Variants in SPOP observed in about 807,000 individuals in gnomAD.
The protein encoded by SPOP is speckle-type POZ protein.
SPOP carries 11 observed loss-of-function variants against 45.6 expected under a neutral mutation model. The observed-to-expected ratio is 0.24, with a 90% CI of 0.15 to 0.40. The LOEUF (loss-of-function observed/expected upper bound fraction) is 0.40, where lower values mean the gene tolerates loss of function less well. SPOP is among the 10% of genes least tolerant of loss of function. The pLI is 1.00. For synonymous variants in SPOP, 166 were observed against 166.3 expected (o/e 1.00, Z 0.01); for missense variants, 152 against 465.6 (o/e 0.33, Z 6.20).
At chr17:49,606,636 A>G (rs976220268) in intron 8 of SPOP, among the ~76,000 whole-genome samples, 1 of 150,772 alleles carries the variant, frequency 6.6e-6, no homozygotes, top group African/African-American at 2.4e-5. Flanking sequence ...TGGGACTACA[A>G]GTGTGCACCA....
At chr17:49,630,462 A>AT (rs1247703255) in intron 1 of SPOP, among the ~76,000 whole-genome samples, 3 of 152,236 alleles carry the variant, frequency 2.0e-5, no homozygotes, top group Non-Finnish European at 2.9e-5. Flanking sequence ...TACTTAAAAA[A>AT]TTTTTAGAGA....
At position 49,607,929 on chromosome 17, in the gene SPOP, G is replaced by C. The variant is rs753143058; in HGVS notation, c.659C>G (p.Ala220Gly). 6.2e-7 allele frequency: 1 copy of C among 1,611,778 alleles called. No homozygotes were observed. Among genetic ancestry groups the C allele is most frequent in the African/African-American group, 1.3e-5 (1 of 74,766 alleles). The change falls in exon 7 of 10, where the codon GCT becomes GGT. Residue 220 changes from alanine to glycine, a missense_variant and splice_region_variant. Ala to Gly is a moderately conservative substitution (Grantham distance 60). This residue lies in a region of SPOP where 106 missense variants were observed against 255.2 expected (regional missense o/e 0.42). Transcript: ENST00000504102. The stretch of plus-strand genomic sequence containing the variant: ...CATGGCACTAAAAACCGGAGAACGA[G>C]CTACAAAGTCAAAGAGAAACAAGCA... Reference protein sequence around the residue: ...EFQAHKAILAARSPVFSAMFE... With the variant: ...EFQAHKAILAGRSPVFSAMFE...
At chr17:49,643,313 A>G (rs2072693528) in intron 1 of SPOP, among the ~76,000 whole-genome samples, 1 of 152,234 alleles carries the variant, frequency 6.6e-6, no homozygotes, top group African/African-American at 2.4e-5. Flanking sequence ...GTGAAAAAAC[A>G]TGGAGCATAA....
chr17:49,666,291 G>GA lies in SPOP; in HGVS notation c.-67+11641dup, dbSNP rs768876099. Among the ~76,000 whole-genome samples, 199 of 146,808 alleles carry GA rather than the reference G, an allele frequency of 1.4e-3. 2 individuals are homozygous for GA. The East Asian group carries it at 0.025, about 19-fold the overall frequency. On this transcript the variant is annotated intron_variant, in intron 1 of 9. Coordinates refer to ENST00000504102, the MANE Select transcript of SPOP (RefSeq NM_001007228.2). The stretch of plus-strand genomic sequence containing the variant: ...ATCCATATTTCAGGGTTATCTTTAT[G>GA]AAAAAAAAAAGTGATCTCTACTTCA...
rs1157674762 is a variant in SPOP at position 49,619,663 on chromosome 17, A to G, written c.201-278T>C. ...ATCCTCCCACCCCAGCCTCCCGAGTAGCGGGGACTACAGATGTGCACCACC... is the reference window on the plus strand; with the variant it reads ...ATCCTCCCACCCCAGCCTCCCGAGTGGCGGGGACTACAGATGTGCACCACC... On this transcript the variant is annotated intron_variant, in intron 3 of 9. Coordinates refer to ENST00000504102, the MANE Select transcript of SPOP (RefSeq NM_001007228.2). The surrounding 1 kb of genome is among the most constrained non-coding windows in gnomAD (Gnocchi z 4.9). Among the ~76,000 whole-genome samples, 1 of 152,040 alleles carries G rather than the reference A, an allele frequency of 6.6e-6. No individual in the cohort carries two copies. Among genetic ancestry groups the G allele is most frequent in the Non-Finnish European group, 1.5e-5 (1 of 67,994 alleles).
At chr17:49,611,561 A>G in intron 5 of SPOP, 104 bp from the exon 6 acceptor site, 1 of 998,688 alleles carries the variant, frequency 1.0e-6, no homozygotes, top group Non-Finnish European at 1.5e-6. Context: ...TCAGATACTA[A>G]TATTAATCAT....
At chr17:49,658,247 G>C (rs1273899551) in intron 1 of SPOP, among the ~76,000 whole-genome samples, 1 of 152,110 alleles carries the variant, frequency 6.6e-6, no homozygotes, top group African/African-American at 2.4e-5. Flanking sequence ...TGCCCAATAA[G>C]ATGTTCAGAA....
At chr17:49,627,024 TG>T (rs1025745938) in intron 1 of SPOP, among the ~76,000 whole-genome samples, 4 of 152,076 alleles carry the variant, frequency 2.6e-5, no homozygotes, top group Non-Finnish European at 4.4e-5. Context: ...TAATTTTTTG[TG>T]TTTTTAGTAG....
At chr17:49,642,657 A>T (rs912854037) in intron 1 of SPOP, among the ~76,000 whole-genome samples, 6 of 152,238 alleles carry the variant, frequency 3.9e-5, no homozygotes, top group African/African-American at 1.4e-4. Context: ...CCAGAGTGGA[A>T]GGGAAAACGA....
At chr17:49,662,144 A>C (rs945418323) in intron 1 of SPOP, among the ~76,000 whole-genome samples, 2 of 152,146 alleles carry the variant, frequency 1.3e-5, no homozygotes, top group Middle Eastern at 3.4e-3. Flanking sequence ...TTTCTCTTCT[A>C]TGCCTTTTCT....
At chr17:49,614,756 T>A (rs1435099095) in intron 5 of SPOP, among the ~76,000 whole-genome samples, 2 of 151,988 alleles carry the variant, frequency 1.3e-5, no homozygotes, top group Non-Finnish European at 2.9e-5. Context: ...AATGAATAGA[T>A]TCATTTATTT....
At chr17:49,656,853 T>C (rs1449648999) in intron 1 of SPOP, among the ~76,000 whole-genome samples, 1 of 152,112 alleles carries the variant, frequency 6.6e-6, no homozygotes, top group Non-Finnish European at 1.5e-5. Context: ...AAACAACTTA[T>C]CAGATGGAAA....
chr17:49,611,970 C>T (rs1461648623), intron 5 of SPOP, among the ~76,000 whole-genome samples: 1 of 151,202 alleles, frequency 6.6e-6, no homozygotes, highest in Admixed American at 6.6e-5. Flanking sequence ...GCAGCGTTGA[C>T]CTCCCAGGCT....
At chr17:49,658,894 G>C (rs901549849) in intron 1 of SPOP, among the ~76,000 whole-genome samples, 4 of 152,186 alleles carry the variant, frequency 2.6e-5, no homozygotes, top group African/African-American at 4.8e-5. Context: ...CCTTAGCAAA[G>C]ATCTGCTTGC....
chr17:49,600,555 G>C lies in SPOP; in HGVS notation c.981-33C>G, dbSNP rs1182057855. 2 of 1,613,198 alleles carry C rather than the reference G, an allele frequency of 1.2e-6. No individual in the cohort carries two copies. Among genetic ancestry groups the C allele is most frequent in the African/African-American group, 2.7e-5 (2 of 74,892 alleles). ...AAATGTGGAGAAATGGGTTACCAAAGGGAGTGAGCAAGGGATGAATTCAAC... is the reference window on the plus strand; with the variant it reads ...AAATGTGGAGAAATGGGTTACCAAACGGAGTGAGCAAGGGATGAATTCAAC... On this transcript the variant is annotated intron_variant, in intron 9 of 9. Transcript: ENST00000504102. This position sits in a 1 kb window ranked among gnomAD's most constrained non-coding sequence, Gnocchi z 4.2.
chr17:49,638,157 A>C (rs1251910667), intron 1 of SPOP, among the ~76,000 whole-genome samples: 1 of 152,236 alleles, frequency 6.6e-6, no homozygotes, highest in Non-Finnish European at 1.5e-5. Flanking sequence ...ATATCCTACA[A>C]AGTAGCTCAA....
intron 5 of SPOP, among the ~76,000 whole-genome samples, chr17:49,614,802 A>AGTGTGTGTGTGTGT (rs60134980): frequency 2.0e-3 from 295 of 147,066 alleles, no homozygotes; most frequent in African/African-American, 5.9e-3. Context: ...CATGCTATGA[A>AGTGTGTGTGTGTGT]GTGTGTGTGT....
At chr17:49,663,471 C>T (rs1457091890) in intron 1 of SPOP, among the ~76,000 whole-genome samples, 1 of 152,228 alleles carries the variant, frequency 6.6e-6, no homozygotes, top group East Asian at 1.9e-4. Flanking sequence ...CAGTCATTGT[C>T]TTTTGCCATC....
rs1198189256 is a variant in SPOP at position 49,600,477 on chromosome 17, C to A, written c.1026G>T (p.Val342=). The part of the protein sequence containing the change: ...VLETSGWKSM[V]VSHPHLVAEA... ...CAGCCACCAAGTGGGGATGTGACACCACCATTGACTTCCACCCAGAGGTCT... is the reference window on the plus strand; with the variant it reads ...CAGCCACCAAGTGGGGATGTGACACAACCATTGACTTCCACCCAGAGGTCT... Residue 342 remains valine, a synonymous_variant, in exon 10 of 10, where the codon GTG becomes GTT. Coordinates refer to ENST00000504102, the MANE Select transcript of SPOP (RefSeq NM_001007228.2). The surrounding 1 kb of genome is among the most constrained non-coding windows in gnomAD (Gnocchi z 4.2). 1 of 1,614,006 alleles carries A rather than the reference C, an allele frequency of 6.2e-7. No homozygotes were observed. Among genetic ancestry groups the A allele is most frequent in the African/African-American group, 1.3e-5 (1 of 74,894 alleles).
Sources: gnomAD v4.1 joint callset for allele counts (sites outside exome capture counted in the v4.1 genomes callset) on GRCh38, gnomAD v4.1.1 for gene constraint, gnomAD v4.1.1 regional missense constraint, Gnocchi (gnomAD v3.1) non-coding constraint, MANE v1.5 for transcripts, NCBI Gene and HGNC (gene_info 2026-07-23, HGNC 2026-07-21) for gene names.